NPLOC4: variants seen among roughly 807,000 people sequenced by gnomAD.
The protein encoded by NPLOC4 is NPL4 homolog, ubiquitin recognition factor, also known as nuclear protein localization protein 4 homolog.
A neutral mutation model predicts 80.6 loss-of-function variants in NPLOC4; 18 were observed. The observed-to-expected ratio is 0.22, with a 90% confidence interval of 0.15 to 0.33. The LOEUF (loss-of-function observed/expected upper bound fraction) is 0.33. Among genes scored for constraint, NPLOC4 ranks in the 10% least tolerant of loss-of-function variants. The pLI is 1.00. For missense variants in NPLOC4, 540 were observed against 786.1 expected, an observed-to-expected ratio of 0.69 and a Z score of 3.74; for synonymous variants, 313 against 301.5, an observed-to-expected ratio of 1.04 and a Z score of -0.39.
Position 81,615,380 on chromosome 17 carries a change from G to A in NPLOC4, c.210-1886C>T, listed in dbSNP as rs914625040. 6.6e-5 allele frequency among the ~76,000 whole-genome samples: 10 copies of A among 152,000 alleles called. No individual in the cohort carries two copies. In the East Asian group the frequency reaches 1.5e-3, roughly 23 times the overall value. On this transcript the variant is annotated intron_variant, in intron 3 of 16. Transcript: ENST00000331134. ...CTCCCAAAGTGCTAGGATTACAGTC[G>A]TGAGCCACCACGTCCAGCCGAGACG...
rs1213237509 is a variant in NPLOC4, at chr17:81,613,423, G to A, written c.281C>T (p.Pro94Leu). ...AGCGCCAAAGACTTTGAAGCCCGGT[G>A]GAACTGACGTCTCCATTTCAGATGA... The part of the protein sequence containing the change: ...GPSSEMETSV[P>L]PGFKVFGAPN... The change falls in exon 4 of 17, where the codon CCA becomes CTA. Residue 94 changes from proline (P) to leucine (L), a missense_variant. Transcript: ENST00000331134. 3 of 1,613,924 alleles carry A rather than the reference G, an allele frequency of 1.9e-6. No individual in the cohort carries two copies. The highest frequency in any genetic ancestry group is 2.2e-5 in the East Asian group (1 of 44,876).
At chr17:81,563,733 A>G (rs1047782941) in intron 16 of NPLOC4, 2 of 348,708 alleles carry the variant, frequency 5.7e-6, no homozygotes, top group Non-Finnish European at 1.1e-5. Context: ...TGGGCAACAC[A>G]GTGAGACCTC....
Position 81,613,484 on chromosome 17 carries a change from A to C in NPLOC4, c.220T>G (p.Leu74Val), listed in dbSNP as rs1598668327. 2 of 1,613,448 alleles carry C rather than the reference A, an allele frequency of 1.2e-6. No individual in the cohort carries two copies. The highest frequency in any genetic ancestry group is 3.3e-5 in the Admixed American group (2 of 59,892). The change falls in exon 4 of 17, where the codon TTG becomes GTG. Residue 74 changes from leucine (L) to valine (V), a missense_variant. Physicochemically the swap from Leu to Val is conservative, Grantham distance 32. Transcript: ENST00000331134. ...LNLLKIKHGD[L>V]LFLFPSSLAG... ...AGGCTCGAGGGAAACAGGAACAACAAATCGCCATGCCTGTTCAAATGATAA... is the reference window on the plus strand; with the variant it reads ...AGGCTCGAGGGAAACAGGAACAACACATCGCCATGCCTGTTCAAATGATAA...
chr17:81,565,470 C>T, intron 16 of NPLOC4, 35 bp downstream of exon 16: 1 of 1,497,422 alleles, frequency 6.7e-7, no homozygotes, highest in Non-Finnish European at 9.0e-7. Context: ...CGGCCCCAGC[C>T]ACGGGGTGCC....
At chr17:81,622,470 A>T (rs1278694157) in intron 2 of NPLOC4, among the ~76,000 whole-genome samples, 192 bp from the exon 3 acceptor site, 1 of 152,254 alleles carries the variant, frequency 6.6e-6, no homozygotes, top group Non-Finnish European at 1.5e-5. Flanking sequence ...TAAAATGAAT[A>T]AAGTGGCCAA....
chr17:81,581,056 T>C (rs1046695596), intron 12 of NPLOC4, among the ~76,000 whole-genome samples: 2 of 152,072 alleles, frequency 1.3e-5, no homozygotes, highest in Non-Finnish European at 2.9e-5. Context: ...ATAGAGATTT[T>C]AAAACACAGT....
At chr17:81,611,769 C>A (rs570323183) in intron 4 of NPLOC4, among the ~76,000 whole-genome samples, 21 of 151,656 alleles carry the variant, frequency 1.4e-4, no homozygotes, top group African/African-American at 3.9e-4. Context: ...ACCATCCTGG[C>A]AAACACGGTG....
intron 10 of NPLOC4, among the ~76,000 whole-genome samples, 191 bp from the exon 11 acceptor site, chr17:81,596,433 C>T (rs373000332): frequency 6.6e-6 from 1 of 152,166 alleles, no homozygotes; most frequent in African/African-American, 2.4e-5. Context: ...CACACCAAAA[C>T]CTGGTCTCTA....
chr17:81,626,747 G>A (rs2035805911), intron 2 of NPLOC4, among the ~76,000 whole-genome samples: 1 of 152,124 alleles, frequency 6.6e-6, no homozygotes. Flanking sequence ...GCAGTGAGCT[G>A]TGACTTTGCC....
Position 81,633,127 on chromosome 17 carries a change from C to CAAA in NPLOC4, c.16-3325_16-3323dup, listed in dbSNP as rs57190405. Among the ~76,000 whole-genome samples, 210 of 105,740 alleles carry CAAA rather than the reference C, an allele frequency of 2.0e-3. 2 individuals are homozygous for CAAA. The highest frequency in any genetic ancestry group is 0.018 in the East Asian group (77 of 4,270). The allele number at this position is 105,740 out of a possible 152,430, so 69.4% of individuals were successfully genotyped here. A position where few individuals can be genotyped will look rare whatever the true frequency, so the allele number is the denominator to read the frequency against. ...TGGGTGACAGAGCAAGACTCCGTCT[C>CAAA]AAAAAAAAAAAAAAAAAGAAAAGAA... On this transcript the variant is annotated intron_variant, in intron 1 of 16. Coordinates refer to ENST00000331134, the MANE Select transcript of NPLOC4 (RefSeq NM_017921.4).
intron 3 of NPLOC4, among the ~76,000 whole-genome samples, chr17:81,615,122 CAG>C (rs1439071267): frequency 1.2e-4 from 6 of 49,174 alleles, no homozygotes; most frequent in East Asian, 1.5e-3. Flanking sequence ...TTTTTTGAGA[CAG>C]AGTCTTGCTC....
chr17:81,576,966 G>A (rs1051480116), intron 12 of NPLOC4, among the ~76,000 whole-genome samples: 2 of 152,176 alleles, frequency 1.3e-5, no homozygotes, highest in Non-Finnish European at 2.9e-5. Context: ...GTAAGCTTCG[G>A]CAACATAATC....
intron 1 of NPLOC4, among the ~76,000 whole-genome samples, chr17:81,630,888 T>A (rs1172351822): frequency 6.7e-6 from 1 of 149,772 alleles, no homozygotes; most frequent in African/African-American, 2.5e-5. Flanking sequence ...AAAAAAGAGA[T>A]TAGGCTGGGC....
intron 16 of NPLOC4, among the ~76,000 whole-genome samples, chr17:81,561,565 G>GAGATTC (rs1410097162): frequency 1.3e-5 from 2 of 152,162 alleles, no homozygotes; most frequent in African/African-American, 4.8e-5. Flanking sequence ...AGGCCCTGAA[G>GAGATTC]AGATTCAACT....
chr17:81,626,606 G>A (rs989301754), intron 2 of NPLOC4, among the ~76,000 whole-genome samples: 44 of 152,092 alleles, frequency 2.9e-4, no homozygotes, highest in African/African-American at 1.0e-3. Context: ...AGGAGACAGA[G>A]TGGGGAGGAT....
intron 5 of NPLOC4, 29 bp from the exon 6 acceptor site, chr17:81,608,851 G>A (rs2035271513): frequency 6.5e-7 from 1 of 1,526,906 alleles, no homozygotes; most frequent in Admixed American, 1.9e-5. Context: ...AGCGAGTGCA[G>A]TCTCACACGT....
At chr17:81,623,749 G>C (rs2035728376) in intron 2 of NPLOC4, among the ~76,000 whole-genome samples, 1 of 150,790 alleles carries the variant, frequency 6.6e-6, no homozygotes. Flanking sequence ...AGTGAGCCGA[G>C]ATCGCGCCAC....
chr17:81,608,268 G>C (rs1457174563), intron 6 of NPLOC4, among the ~76,000 whole-genome samples: 2 of 152,258 alleles, frequency 1.3e-5, no homozygotes, highest in Non-Finnish European at 2.9e-5. Context: ...GAAAAGCAGA[G>C]AATGAACTCA....
intron 12 of NPLOC4, among the ~76,000 whole-genome samples, chr17:81,573,088 G>A (rs2034203939): frequency 6.6e-6 from 1 of 152,138 alleles, no homozygotes; most frequent in African/African-American, 2.4e-5. Context: ...CAGAGCTCCA[G>A]AAATAAATTC....
Sources: allele counts gnomAD v4.1 joint callset (sites outside exome capture counted in the v4.1 genomes callset), GRCh38; gene constraint gnomAD v4.1.1; transcripts MANE v1.5; gene names NCBI Gene and HGNC (gene_info 2026-07-23, HGNC 2026-07-21).